The following ARHGAP28 variants were observed in gnomAD, a reference collection of about 807,000 sequenced individuals.
ARHGAP28 encodes the protein Rho GTPase activating protein 28.
ARHGAP28 carries 56 observed loss-of-function variants against 90.7 expected under a neutral mutation model. The observed-to-expected ratio is 0.62, with a 90% CI of 0.50 to 0.77. The LOEUF (loss-of-function observed/expected upper bound fraction) is 0.77. Ranked by LOEUF, ARHGAP28 falls within the 30% of genes least tolerant of loss-of-function variation. The pLI is 0.00. For missense variants in ARHGAP28, 869 were observed against 900.9 expected (o/e 0.96, Z 0.45); for synonymous variants, 308 against 323.3 (o/e 0.95, Z 0.51).
At chr18:6,774,599 C>G (rs1005470561) in intron 1 of ARHGAP28, among the ~76,000 whole-genome samples, 1 of 152,148 alleles carries the variant, frequency 6.6e-6, no homozygotes, top group Non-Finnish European at 1.5e-5. Context: ...TGTGCTGGAG[C>G]CTTTAAACTA....
At chr18:6,877,530 T>C (rs768745901) in intron 10 of ARHGAP28, among the ~76,000 whole-genome samples, 10 of 152,208 alleles carry the variant, frequency 6.6e-5, no homozygotes, top group Non-Finnish European at 1.2e-4. Flanking sequence ...ACCTGGGCTT[T>C]TGCACGTGAG....
chr18:6,786,749 A>G (rs2056367718), intron 1 of ARHGAP28, among the ~76,000 whole-genome samples: 1 of 152,130 alleles, frequency 6.6e-6, no homozygotes, highest in South Asian at 2.1e-4. Flanking sequence ...TGCTATGGCT[A>G]TTGATATATA....
intron 1 of ARHGAP28, among the ~76,000 whole-genome samples, chr18:6,754,450 A>G (rs1004005687): frequency 1.3e-5 from 2 of 152,210 alleles, no homozygotes; most frequent in African/African-American, 4.8e-5. Context: ...TAAGAAAGGG[A>G]GAGCATTGTC....
intron 14 of ARHGAP28, among the ~76,000 whole-genome samples, chr18:6,891,526 C>T (rs1279282658): frequency 1.3e-5 from 2 of 152,136 alleles, no homozygotes; most frequent in African/African-American, 2.4e-5. Context: ...TCAGATGATC[C>T]GCCTGACTCA....
At position 6,824,769 on chromosome 18, in the gene ARHGAP28, A is replaced by G. The variant is rs1013375147; in HGVS notation, c.130A>G (p.Ile44Val). 1.3e-6 allele frequency: 2 copies of G among 1,534,502 alleles called. No individual in the cohort carries two copies. Among genetic ancestry groups the G allele is most frequent in the Non-Finnish European group, 1.7e-6 (2 of 1,146,552 alleles). The stretch of plus-strand genomic sequence containing the variant: ...ATATTATTCTTTCCTCAGAAAATCC[A>G]TTCCTCGCTGCCGAAGAATTAACAG... ...AASHPLSRKS[I>V]PRCRRINRML... The change falls in exon 2 of 18, where the codon ATT becomes GTT. Residue 44 changes from isoleucine to valine, a missense_variant. Coordinates refer to ENST00000383472, the MANE Select transcript of ARHGAP28 (RefSeq NM_001366230.1).
intron 16 of ARHGAP28, 100 bp downstream of exon 16, chr18:6,896,726 A>G: frequency 7.2e-7 from 1 of 1,396,616 alleles, no homozygotes; most frequent in South Asian, 1.4e-5. Flanking sequence ...TGTAAAATAT[A>G]GAACCTGTTG....
At chr18:6,870,953 A>ACT (rs1412100733) in intron 7 of ARHGAP28, among the ~76,000 whole-genome samples, 1 of 152,124 alleles carries the variant, frequency 6.6e-6, no homozygotes, top group African/African-American at 2.4e-5. Flanking sequence ...GGCACCTGCC[A>ACT]ACTTGCCCGG....
chr18:6,835,871 A>T (rs2143848087), intron 2 of ARHGAP28, among the ~76,000 whole-genome samples: 1 of 152,274 alleles, frequency 6.6e-6, no homozygotes, highest in Non-Finnish European at 1.5e-5. Context: ...TTAAAAAAAA[A>T]TCCTCATAGG....
intron 3 of ARHGAP28, among the ~76,000 whole-genome samples, chr18:6,846,164 C>G (rs990249803): frequency 6.6e-5 from 10 of 152,190 alleles, no homozygotes; most frequent in Admixed American, 1.3e-4. Flanking sequence ...GAGAAACTTT[C>G]CTCTGTTATA....
At chr18:6,825,941 T>C (rs971098494) in intron 2 of ARHGAP28, among the ~76,000 whole-genome samples, 1 of 152,208 alleles carries the variant, frequency 6.6e-6, no homozygotes, top group African/African-American at 2.4e-5. Flanking sequence ...CTTTTTAGTA[T>C]AATAATCTAT....
At chr18:6,756,203 A>G (rs552072926) in intron 1 of ARHGAP28, among the ~76,000 whole-genome samples, 3 of 152,310 alleles carry the variant, frequency 2.0e-5, no homozygotes, top group South Asian at 2.1e-4. Flanking sequence ...ATATAGATCT[A>G]TGGAAGAGCC....
At chr18:6,860,944 T>C (rs2056993427) in intron 5 of ARHGAP28, among the ~76,000 whole-genome samples, 2 of 152,222 alleles carry the variant, frequency 1.3e-5, no homozygotes, top group African/African-American at 4.8e-5. Context: ...CAGCTCTTAC[T>C]TTCCCATTCA....
At chr18:6,840,833 G>T (rs1440261886) in intron 3 of ARHGAP28, among the ~76,000 whole-genome samples, 1 of 152,164 alleles carries the variant, frequency 6.6e-6, no homozygotes, top group Admixed American at 6.5e-5. Context: ...TGAAATCAGT[G>T]TAAGTTTGGC....
intron 1 of ARHGAP28, among the ~76,000 whole-genome samples, chr18:6,731,031 C>G (rs2055876954): frequency 6.6e-6 from 1 of 152,086 alleles, no homozygotes; most frequent in Non-Finnish European, 1.5e-5. Flanking sequence ...AGTACATTGG[C>G]AAGAGATCTA....
rs1555631529 is a variant in ARHGAP28 at position 6,841,208 on chromosome 18, C to CTCTCTCTCTCTCTCTCT, written c.543+3794_543+3795insTCTCTCTCTCTCTCTCT. Among the ~76,000 whole-genome samples the CTCTCTCTCTCTCTCTCT allele has an allele frequency of 3.0e-3, 128 of 43,110 alleles. 6 individuals carry two copies. The highest frequency in any genetic ancestry group is 5.2e-3 in the Admixed American group (18 of 3,486). The allele number at this position is 43,110 out of a possible 152,430, so 28.3% of individuals were successfully genotyped here. A position where few individuals can be genotyped will look rare whatever the true frequency, so the allele number is the denominator to read the frequency against. On this transcript the variant is annotated intron_variant, in intron 3 of 17. Coordinates refer to ENST00000383472, the MANE Select transcript of ARHGAP28 (RefSeq NM_001366230.1). ...CTCTCTCTCTCTCTCTCTCTCCTCT[C>CTCTCTCTCTCTCTCTCT]CTCTCTCTCTCTCTCCCCCCAACCC... is the stretch of plus-strand genomic sequence containing the variant.
At chr18:6,821,656 AC>A (rs1417613071) in intron 1 of ARHGAP28, among the ~76,000 whole-genome samples, 2 of 152,086 alleles carry the variant, frequency 1.3e-5, no homozygotes, top group East Asian at 3.9e-4. Flanking sequence ...ATGCTGTCTG[AC>A]TTCTTTGCCA....
At position 6,908,857 on chromosome 18, in the gene ARHGAP28, G is replaced by A. The variant is rs566308008; in HGVS notation, c.2031-103G>A. 34 of 704,854 alleles carry A rather than the reference G, an allele frequency of 4.8e-5. 1 individual carries two copies. In the East Asian group the frequency reaches 4.9e-4, roughly 10 times the overall value. 43.7% of individuals were successfully genotyped at this position (704,854 alleles called of 1,614,324 possible). A position where few individuals can be genotyped will look rare whatever the true frequency, so the allele number is the denominator to read the frequency against. ...GATACAGTTTTGTGGGACACATTTCGTCAAGGCAGAATGAATTGTTTGTTG... is the reference window on the plus strand; with the variant it reads ...GATACAGTTTTGTGGGACACATTTCATCAAGGCAGAATGAATTGTTTGTTG... On this transcript the variant is annotated intron_variant, in intron 16 of 17. Coordinates refer to ENST00000383472, the MANE Select transcript of ARHGAP28 (RefSeq NM_001366230.1).
chr18:6,747,874 G>A (rs768255337), intron 1 of ARHGAP28, among the ~76,000 whole-genome samples: 2 of 152,202 alleles, frequency 1.3e-5, no homozygotes, highest in Non-Finnish European at 2.9e-5. Flanking sequence ...ACCTTGGCTT[G>A]TGGTTGGATG....
intron 3 of ARHGAP28, among the ~76,000 whole-genome samples, chr18:6,838,728 A>G (rs906345927): frequency 2.6e-5 from 4 of 152,234 alleles, no homozygotes; most frequent in African/African-American, 9.6e-5. Context: ...TCTGCCATAT[A>G]TAATGATATA....
Sources: gnomAD v4.1 joint callset for allele counts (sites outside exome capture counted in the v4.1 genomes callset) on GRCh38, gnomAD v4.1.1 for gene constraint, MANE v1.5 for transcripts, NCBI Gene and HGNC (gene_info 2026-07-23, HGNC 2026-07-21) for gene names.